ACAP2: variants seen among roughly 807,000 people sequenced by gnomAD.
The protein encoded by ACAP2 is ArfGAP with coiled-coil, ankyrin repeat and PH domains 2.
A neutral mutation model predicts 115.8 loss-of-function variants in ACAP2; 39 were observed. That is an observed-to-expected ratio of 0.34 (90% confidence interval 0.26 to 0.44). ACAP2 has a LOEUF of 0.44. ACAP2 is among the 20% of genes least tolerant of loss of function. The pLI is 1.00. For synonymous variants in ACAP2, 289 were observed against 315.8 expected (o/e 0.92, Z 0.90); for missense variants, 662 against 927.6 (o/e 0.71, Z 3.72).
intron 6 of ACAP2, among the ~76,000 whole-genome samples, chr3:195,340,342 G>C (rs1730786130): frequency 6.6e-6 from 1 of 151,856 alleles, no homozygotes; most frequent in Non-Finnish European, 1.5e-5. Flanking sequence ...AAAAGGGAAA[G>C]AGAAGCCATT....
intron 9 of ACAP2, among the ~76,000 whole-genome samples, chr3:195,324,485 G>A (rs1729645478): frequency 6.6e-6 from 1 of 152,264 alleles, no homozygotes; most frequent in South Asian, 2.1e-4. Flanking sequence ...GCGGCACGGT[G>A]GCTCACACCT....
chr3:195,435,785 G>A (rs1715488897), intron 1 of ACAP2, among the ~76,000 whole-genome samples: 1 of 152,046 alleles, frequency 6.6e-6, no homozygotes, highest in Non-Finnish European at 1.5e-5. Context: ...CTATGCTGGA[G>A]GATACTTCAT....
chr3:195,390,478 T>G (rs1187174054), intron 2 of ACAP2, among the ~76,000 whole-genome samples: 1 of 152,212 alleles, frequency 6.6e-6, no homozygotes, highest in East Asian at 1.9e-4. Flanking sequence ...TAAATATAGT[T>G]TCTAGACTAT....
chr3:195,335,168 C>A (rs1048485906), intron 7 of ACAP2, among the ~76,000 whole-genome samples: 1 of 152,038 alleles, frequency 6.6e-6, no homozygotes, highest in African/African-American at 2.4e-5. Flanking sequence ...ACAGTCATAG[C>A]CATTCATTTA....
In ACAP2 at chr3:195,279,134, T is replaced by C; in HGVS notation, c.*194A>G. 1 of 438,098 alleles carries C rather than the reference T, an allele frequency of 2.3e-6. No individual in the cohort carries two copies. The highest frequency in any genetic ancestry group is 4.0e-6 in the Non-Finnish European group (1 of 251,326). 27.1% of individuals were successfully genotyped at this position (438,098 alleles called of 1,614,324 possible). A position where few individuals can be genotyped will look rare whatever the true frequency, so the allele number is the denominator to read the frequency against. The stretch of plus-strand genomic sequence containing the variant: ...AAATAGGCTTTTTTAATAAAAGAGG[T>C]CCTAAACTAGGTTCCTCTCCTACTA... On this transcript the variant is annotated 3_prime_UTR_variant, in exon 23 of 23. Transcript: ENST00000326793.
At chr3:195,311,094 T>G (rs545492069) in intron 10 of ACAP2, among the ~76,000 whole-genome samples, 28 of 45,204 alleles carry the variant, frequency 6.2e-4, no homozygotes, top group African/African-American at 2.4e-3. Flanking sequence ...GTTTTTTTGT[T>G]TTTTTTTTGT....
chr3:195,326,153 C>T (rs774649706), intron 9 of ACAP2, among the ~76,000 whole-genome samples: 2 of 152,042 alleles, frequency 1.3e-5, no homozygotes, highest in Non-Finnish European at 2.9e-5. Context: ...ACCAAGAAAA[C>T]AGATTTCTTA....
intron 4 of ACAP2, among the ~76,000 whole-genome samples, chr3:195,376,809 T>A (rs1733576652): frequency 6.6e-6 from 1 of 152,220 alleles, no homozygotes; most frequent in African/African-American, 2.4e-5. Context: ...CTCTGGAATA[T>A]CCAGACTTTT....
At position 195,366,742 on chromosome 3, in the gene ACAP2, G is replaced by A. The variant is rs545422822; in HGVS notation, c.285+14267C>T. 3.3e-5 allele frequency among the ~76,000 whole-genome samples: 5 copies of A among 152,270 alleles called. 1 individual carries two copies. The South Asian group carries it at 1.0e-3, about 32-fold the overall frequency. ...CTGGTTCATCCAACACCATTTTACTGAGAAGAATTCATGAAAGGCAGTTAA... is the reference window on the plus strand; with the variant it reads ...CTGGTTCATCCAACACCATTTTACTAAGAAGAATTCATGAAAGGCAGTTAA... On this transcript the variant is annotated intron_variant, in intron 4 of 22. Coordinates refer to ENST00000326793, the MANE Select transcript of ACAP2 (RefSeq NM_012287.6).
intron 9 of ACAP2, among the ~76,000 whole-genome samples, chr3:195,323,735 G>T (rs944804979): frequency 1.3e-5 from 2 of 152,016 alleles, no homozygotes; most frequent in Admixed American, 6.6e-5. Context: ...CTGGAGAGTA[G>T]AAGGATGGTT....
At position 195,320,746 on chromosome 3, in the gene ACAP2, C is replaced by G. The variant is rs752746824; in HGVS notation, c.812G>C (p.Gly271Ala). ...ATTGCTGGCTCGTTTGAACAGATAT[C>G]CTTCCATAACTATGCCATTTGCAGC... Reference protein sequence around the residue: ...VDAANGIVMEGYLFKRASNAF... With the variant: ...VDAANGIVMEAYLFKRASNAF... Residue 271 changes from glycine (G) to alanine (A), a missense_variant, in exon 10 of 23, where the codon GGA becomes GCA. By Grantham distance (60) the Gly-to-Ala change is moderately conservative. Transcript: ENST00000326793. 2 of 1,613,434 alleles carry G rather than the reference C, an allele frequency of 1.2e-6. No homozygotes were observed.
In ACAP2 at chr3:195,342,617, C is replaced by T. The variant is rs1730951858; in HGVS notation, c.382G>A (p.Glu128Lys). ...RKFKDAKKQF[E>K]KVSEEKENAL... ...TTTTCTTTTTCTTCACTGACTTTTT[C>T]GAATTGCTTCTTGGCATCTTTGAAT... is the stretch of plus-strand genomic sequence containing the variant. Residue 128 changes from glutamate to lysine, a missense_variant, in exon 6 of 23, where the codon GAA (glutamate) becomes AAA (lysine). Physicochemically the swap from Glu to Lys is moderately conservative, Grantham distance 56. Around this residue, in one of 3 missense-constraint regions of ACAP2, gnomAD observed 401 missense variants for 604.4 expected, o/e 0.66. Coordinates refer to ENST00000326793, the MANE Select transcript of ACAP2 (RefSeq NM_012287.6). 1 of 1,604,992 alleles carries T rather than the reference C, an allele frequency of 6.2e-7. No homozygotes were observed. The highest frequency in any genetic ancestry group is 8.5e-7 in the Non-Finnish European group (1 of 1,177,534).
chr3:195,425,198 G>A (rs1224259501), intron 1 of ACAP2, among the ~76,000 whole-genome samples: 1 of 151,898 alleles, frequency 6.6e-6, no homozygotes, highest in Non-Finnish European at 1.5e-5. Flanking sequence ...AAAATACCCT[G>A]GTAGCTTAGA....
At chr3:195,395,533 A>G (rs1348786786) in intron 1 of ACAP2, among the ~76,000 whole-genome samples, 1 of 152,254 alleles carries the variant, frequency 6.6e-6, no homozygotes, top group Non-Finnish European at 1.5e-5. Flanking sequence ...TGATGCATGA[A>G]AATTATATTA....
chr3:195,370,603 G>A (rs1733060672), intron 4 of ACAP2, among the ~76,000 whole-genome samples: 1 of 152,142 alleles, frequency 6.6e-6, no homozygotes, highest in South Asian at 2.1e-4. Context: ...ACTGGTCTGT[G>A]TCTGTTTCTG....
At chr3:195,294,313 A>T (rs116957866) in intron 18 of ACAP2, among the ~76,000 whole-genome samples, 1 of 150,530 alleles carries the variant, frequency 6.6e-6, no homozygotes, top group African/African-American at 2.4e-5. Flanking sequence ...AGGGCCGGGC[A>T]CGGTGGCTCA....
In ACAP2 at chr3:195,442,906, G is replaced by T. The variant is rs1332229032; in HGVS notation, c.-59C>A. 4.2e-6 allele frequency: 6 copies of T among 1,444,782 alleles called. No homozygotes were observed. Among genetic ancestry groups the T allele is most frequent in the Non-Finnish European group, 5.5e-6 (6 of 1,085,140 alleles). 89.5% of individuals were successfully genotyped at this position (1,444,782 alleles called of 1,614,324 possible). On this transcript the variant is annotated 5_prime_UTR_variant, in exon 1 of 23. Transcript: ENST00000326793. ...CCGAGGGGGCCGCGGGAGCGGCCGC[G>T]CTGGGACGCAGACGGCTACGGCGGG... is the stretch of plus-strand genomic sequence containing the variant.
At chr3:195,308,697 A>C in intron 11 of ACAP2, 89 bp downstream of exon 11, 1 of 1,043,898 alleles carries the variant, frequency 9.6e-7, no homozygotes, top group Admixed American at 2.5e-5. Context: ...AATTTTACAC[A>C]AATGAGTATG....
chr3:195,411,401 T>C (rs1713250730), intron 1 of ACAP2, among the ~76,000 whole-genome samples: 1 of 152,060 alleles, frequency 6.6e-6, no homozygotes, highest in African/African-American at 2.4e-5. Context: ...AACAGAAAAA[T>C]GGATAAGCAC....
Sources: gnomAD v4.1 joint callset for allele counts (sites outside exome capture counted in the v4.1 genomes callset) on GRCh38, gnomAD v4.1.1 for gene constraint, gnomAD v4.1.1 regional missense constraint, MANE v1.5 for transcripts, NCBI Gene and HGNC (gene_info 2026-07-23, HGNC 2026-07-21) for gene names.